The following THADA variants were observed in gnomAD, a reference collection of about 807,000 sequenced individuals.
THADA encodes THADA armadillo repeat containing.
Under a neutral mutation model 219.8 loss-of-function variants are expected in THADA, and 213 were observed. That is an observed-to-expected ratio of 0.97 (90% confidence interval 0.87 to 1.09). The LOEUF (loss-of-function observed/expected upper bound fraction) is 1.09. THADA is among the 50% of genes least tolerant of loss of function. The pLI is 0.00. For synonymous variants in THADA, 1,018 were observed against 828.9 expected (o/e 1.23, Z -3.92); for missense variants, 2,956 against 2,311.3 (o/e 1.28, Z -5.72).
chr2:43,235,301 G>T (rs777758551), intron 36 of THADA, among the ~76,000 whole-genome samples: 28 of 151,096 alleles, frequency 1.9e-4, no homozygotes, highest in Non-Finnish European at 3.8e-4. Flanking sequence ...TGTTGTTGTT[G>T]TTTTGTCTTG....
At chr2:43,438,145 A>T (rs1026021278) in intron 26 of THADA, among the ~76,000 whole-genome samples, 3 of 151,676 alleles carry the variant, frequency 2.0e-5, no homozygotes, top group African/African-American at 2.4e-5. Context: ...ACTAAAAATT[A>T]AAAAAAATTA....
chr2:43,359,970 A>C (rs1463770019), intron 29 of THADA, among the ~76,000 whole-genome samples: 1 of 151,836 alleles, frequency 6.6e-6, no homozygotes, highest in Non-Finnish European at 1.5e-5. Flanking sequence ...TTCCAAGATA[A>C]TGAGATGTAG....
intron 20 of THADA, among the ~76,000 whole-genome samples, chr2:43,544,529 C>A (rs1265890905): frequency 6.6e-6 from 1 of 151,952 alleles, no homozygotes; most frequent in Non-Finnish European, 1.5e-5. Context: ...CTTCCATTTC[C>A]TTGTATCCTC....
intron 36 of THADA, among the ~76,000 whole-genome samples, chr2:43,257,978 T>TA (rs2104183245): frequency 1.3e-5 from 2 of 152,192 alleles, no homozygotes; most frequent in East Asian, 3.9e-4. Context: ...TTCAGCAGGC[T>TA]CTGGGGCTGA....
At chr2:43,449,413 T>A (rs1309930557) in intron 26 of THADA, among the ~76,000 whole-genome samples, 2 of 151,950 alleles carry the variant, frequency 1.3e-5, no homozygotes, top group Non-Finnish European at 2.9e-5. Flanking sequence ...TCTAAAGAAA[T>A]AATGACCAAA....
intron 36 of THADA, among the ~76,000 whole-genome samples, chr2:43,273,940 C>G (rs970051515): frequency 6.6e-6 from 1 of 152,098 alleles, no homozygotes; most frequent in Admixed American, 6.5e-5. Flanking sequence ...TTGCCTTGCC[C>G]TGGCTACATG....
At chr2:43,447,855 G>A (rs1363656032) in intron 26 of THADA, among the ~76,000 whole-genome samples, 1 of 151,820 alleles carries the variant, frequency 6.6e-6, no homozygotes, top group Non-Finnish European at 1.5e-5. Flanking sequence ...TTTGTACTTT[G>A]GACATACCAA....
intron 35 of THADA, among the ~76,000 whole-genome samples, chr2:43,283,274 T>C (rs1263627784): frequency 6.6e-6 from 1 of 152,350 alleles, no homozygotes. Context: ...CAGTCTCAGA[T>C]AGTTCTATAT....
chr2:43,280,189 C>A (rs1412176411), intron 35 of THADA, among the ~76,000 whole-genome samples: 1 of 152,198 alleles, frequency 6.6e-6, no homozygotes, highest in African/African-American at 2.4e-5. Context: ...AGACCCTCTG[C>A]CCTGCTCTCC....
chr2:43,586,262 C>G (rs1350458835), intron 7 of THADA, 139 bp downstream of exon 7: 1 of 740,162 alleles, frequency 1.4e-6, no homozygotes, highest in African/African-American at 1.9e-5. Flanking sequence ...AAGACCCCAT[C>G]TCAAAAAAAA....
At chr2:43,255,936 C>G (rs567023571) in intron 36 of THADA, among the ~76,000 whole-genome samples, 1 of 152,294 alleles carries the variant, frequency 6.6e-6, no homozygotes, top group South Asian at 2.1e-4. Flanking sequence ...GGAGCTGCCT[C>G]CTTTACAGGG....
intron 28 of THADA, among the ~76,000 whole-genome samples, chr2:43,419,362 G>A (rs1677411818): frequency 6.6e-6 from 1 of 152,222 alleles, no homozygotes; most frequent in South Asian, 2.1e-4. Context: ...AAAAGGACGT[G>A]AGGGTGAAGG....
intron 35 of THADA, among the ~76,000 whole-genome samples, chr2:43,284,774 C>G (rs1409594493): frequency 6.6e-6 from 1 of 152,338 alleles, no homozygotes; most frequent in East Asian, 1.9e-4. Context: ...GCACTCAACA[C>G]CACCCTGTGA....
chr2:43,542,826 C>T (rs1695497098), intron 20 of THADA, among the ~76,000 whole-genome samples: 1 of 152,190 alleles, frequency 6.6e-6, no homozygotes, highest in Non-Finnish European at 1.5e-5. Flanking sequence ...CGCTGCACAA[C>T]AGCACCTAAT....
intron 10 of THADA, 77 bp from the exon 11 acceptor site, chr2:43,575,104 T>G: frequency 2.8e-6 from 3 of 1,082,628 alleles, no homozygotes; most frequent in Non-Finnish European, 3.9e-6. Flanking sequence ...AATTTAGACT[T>G]TAAAAATATT....
intron 31 of THADA, among the ~76,000 whole-genome samples, chr2:43,307,610 T>C (rs1677015320): frequency 6.6e-6 from 1 of 152,210 alleles, no homozygotes; most frequent in Admixed American, 6.5e-5. Flanking sequence ...AGGAGCTACA[T>C]TTGCCCTAAA....
In THADA at chr2:43,236,088, C is replaced by G. The variant is rs182083887; in HGVS notation, c.5297-3206G>C. Among the ~76,000 whole-genome samples, 1,085 of 152,304 alleles carry G rather than the reference C, an allele frequency of 7.1e-3. 13 individuals are homozygous for G. The highest frequency in any genetic ancestry group is 0.024 in the African/African-American group (1,010 of 41,562). ...CCTCCCAAAGTGCTGGGATTACAGG[C>G]GTGAGCCACCACGCCTGGCCCATCT... On this transcript the variant is annotated intron_variant, in intron 36 of 37. Coordinates refer to ENST00000405975, the MANE Select transcript of THADA (RefSeq NM_022065.5).
chr2:43,514,604 A>ATATG (rs1466078445), intron 22 of THADA, among the ~76,000 whole-genome samples: 1 of 89,930 alleles, frequency 1.1e-5, no homozygotes, highest in East Asian at 2.3e-4. Context: ...TATATTTTAT[A>ATATG]TATATTTTAT....
At chr2:43,553,176 C>T (rs1696952310) in intron 17 of THADA, among the ~76,000 whole-genome samples, 1 of 152,256 alleles carries the variant, frequency 6.6e-6, no homozygotes, top group East Asian at 1.9e-4. Context: ...ATTGTTCCCA[C>T]TTTTTGGCTA....
Sources: allele counts gnomAD v4.1 joint callset (sites outside exome capture counted in the v4.1 genomes callset), GRCh38; gene constraint gnomAD v4.1.1; transcripts MANE v1.5; gene names NCBI Gene and HGNC (gene_info 2026-07-23, HGNC 2026-07-21).